Variants in LYPD1 observed in about 807,000 individuals in gnomAD.
LYPD1 encodes ly6/PLAUR domain-containing protein 1.
LYPD1 carries 14 observed loss-of-function variants against 14.2 expected under a neutral mutation model. That is an observed-to-expected ratio of 0.99 (90% CI 0.65 to 1.54). The LOEUF (loss-of-function observed/expected upper bound fraction) is 1.54. LYPD1 is among the 40% of genes most tolerant of loss of function. The pLI is 0.00. For synonymous variants in LYPD1, 85 were observed against 70.6 expected (o/e 1.20, Z -1.02); for missense variants, 165 against 175.7 (o/e 0.94, Z 0.34).
chr2:132,651,922 G>A (rs1682376191), intron 2 of LYPD1, among the ~76,000 whole-genome samples: 1 of 152,198 alleles, frequency 6.6e-6, no homozygotes, highest in Non-Finnish European at 1.5e-5. Context: ...AGGCATCTCT[G>A]AAACATGAGA....
intron 2 of LYPD1, among the ~76,000 whole-genome samples, chr2:132,647,868 AAACATTAAGG>A (rs1329476731): frequency 6.6e-6 from 1 of 152,214 alleles, no homozygotes; most frequent in Non-Finnish European, 1.5e-5. Flanking sequence ...GGTGCTATAG[AAACATTAAGG>A]AATGAAACTG....
rs1558871347 is a variant in LYPD1 at position 132,645,523 on chromosome 2, A to G, written c.*522T>C. ...GCCCCAGTCTAAGTCCCAGTCATTG[A>G]GTCTCGAGTCACTAGAGCCCAACTC... On this transcript the variant is annotated 3_prime_UTR_variant, in exon 3 of 3. Transcript: ENST00000397463. 2 of 1,614,174 alleles carry G rather than the reference A, an allele frequency of 1.2e-6. No individual in the cohort carries two copies. The highest frequency in any genetic ancestry group is 1.1e-5 in the South Asian group (1 of 91,086).
Position 132,646,128 on chromosome 2 carries a change from C to T in LYPD1, c.343G>A (p.Gly115Arg). 1 of 1,610,268 alleles carries T rather than the reference C, an allele frequency of 6.2e-7. No homozygotes were observed. Among genetic ancestry groups the T allele is most frequent in the Non-Finnish European group, 8.5e-7 (1 of 1,178,006 alleles). Residue 115 changes from glycine (G) to arginine (R), a missense_variant, in exon 3 of 3, where the codon GGA becomes AGA. Coordinates refer to ENST00000397463, the MANE Select transcript of LYPD1 (RefSeq NM_144586.7). ...GGCCTGAGGGCCGAGGCAGAACTTC[C>T]CCTTTTCTTGGGCCTTGGCCCGTTA... ...LCNGPRPKKR[G>R]SSASALRPGL...
At position 132,670,106 on chromosome 2, in the gene LYPD1, A is replaced by C. The variant is rs753713006; in HGVS notation, c.-174T>G. On this transcript the variant is annotated 5_prime_UTR_variant, in exon 1 of 3. It removes an upstream start codon present in the reference 5' UTR. Coordinates refer to ENST00000397463, the MANE Select transcript of LYPD1 (RefSeq NM_144586.7). The surrounding 1 kb of genome is among the most constrained non-coding windows in gnomAD (Gnocchi z 4.5). Reference sequence around the variant, plus strand: ...CGCAGGTGCCGCTCGCGGAGCCTGCATCGCCCGCGCTCGGGCTCCCGGCTG... The same window carrying C: ...CGCAGGTGCCGCTCGCGGAGCCTGCCTCGCCCGCGCTCGGGCTCCCGGCTG... 32 of 1,437,852 alleles carry C rather than the reference A, an allele frequency of 2.2e-5. No homozygotes were observed. Among genetic ancestry groups the C allele is most frequent in the Non-Finnish European group, 2.8e-5 (31 of 1,105,376 alleles). 89.1% of individuals were successfully genotyped at this position (1,437,852 alleles called of 1,614,324 possible).
rs779343595 is a variant in LYPD1 at position 132,668,384 on chromosome 2, G to A, written c.190+16C>T. On this transcript the variant is annotated intron_variant, in intron 2 of 2. Transcript: ENST00000397463. ...CCCAGGCTTAAGAGCGAGGGGGAGGGCTGCCAGGCTCTTACCGGCACTTTG... is the reference window on the plus strand; with the variant it reads ...CCCAGGCTTAAGAGCGAGGGGGAGGACTGCCAGGCTCTTACCGGCACTTTG... The A allele has an allele frequency of 1.9e-6, 3 of 1,596,766 alleles. No homozygotes were observed. Among genetic ancestry groups the A allele is most frequent in the Non-Finnish European group, 2.6e-6 (3 of 1,171,350 alleles).
At position 132,655,553 on chromosome 2, in the gene LYPD1, C is replaced by T. The variant is rs558680280; in HGVS notation, c.191-9273G>A. Among the ~76,000 whole-genome samples, 9 of 128,388 alleles carry T rather than the reference C, an allele frequency of 7.0e-5. No homozygotes were observed. In the South Asian group the frequency reaches 9.4e-4, roughly 13 times the overall value. 84.2% of individuals were successfully genotyped at this position (128,388 alleles called of 152,430 possible). A position where few individuals can be genotyped will look rare whatever the true frequency, so the allele number is the denominator to read the frequency against. ...TTTTTGAGATGGAGTCTCGCTCTGT[C>T]GCCCAGGCTGGAGTGCAGTGGCGCC... On this transcript the variant is annotated intron_variant, in intron 2 of 2. Transcript: ENST00000397463.
At position 132,645,863 on chromosome 2, in the gene LYPD1, T is replaced by C. The variant is rs1034374477; in HGVS notation, c.*182A>G. On this transcript the variant is annotated 3_prime_UTR_variant, in exon 3 of 3. Coordinates refer to ENST00000397463, the MANE Select transcript of LYPD1 (RefSeq NM_144586.7). ...GTACATACTGAAAATTCAGTCAGGC[T>C]GAATTTATTCAGAATGCTTTACCGA... 3 of 658,390 alleles carry C rather than the reference T, an allele frequency of 4.6e-6. No individual in the cohort carries two copies. Among genetic ancestry groups the C allele is most frequent in the Admixed American group, 3.3e-5 (1 of 30,342 alleles). 40.8% of individuals were successfully genotyped at this position (658,390 alleles called of 1,614,324 possible). A position where few individuals can be genotyped will look rare whatever the true frequency, so the allele number is the denominator to read the frequency against.
In LYPD1 at chr2:132,643,943, G is replaced by A. The variant is rs918385326; in HGVS notation, c.*2102C>T. On this transcript the variant is annotated 3_prime_UTR_variant, in exon 3 of 3. Coordinates refer to ENST00000397463, the MANE Select transcript of LYPD1 (RefSeq NM_144586.7). ...AATGTGAGTAAATGTTTCTTACTAC[G>A]ATTGAAATGTAGGAGAGGAAGGAAG... is the stretch of plus-strand genomic sequence containing the variant. 1.2e-4 allele frequency among the ~76,000 whole-genome samples: 18 copies of A among 152,190 alleles called. No homozygotes were observed. The highest frequency in any genetic ancestry group is 4.3e-4 in the African/African-American group (18 of 41,436).
chr2:132,649,103 A>G (rs1255381526), intron 2 of LYPD1, among the ~76,000 whole-genome samples: 2 of 152,216 alleles, frequency 1.3e-5, no homozygotes, highest in African/African-American at 2.4e-5. Flanking sequence ...GTGTCAGGGT[A>G]TGGAGGAGCT....
chr2:132,667,263 A>T (rs1234878226), intron 2 of LYPD1, among the ~76,000 whole-genome samples: 1 of 152,212 alleles, frequency 6.6e-6, no homozygotes, highest in Non-Finnish European at 1.5e-5. Context: ...TGGTGCAACA[A>T]ATAATGACCT....
chr2:132,650,403 A>G (rs1480226534), intron 2 of LYPD1, among the ~76,000 whole-genome samples: 2 of 152,226 alleles, frequency 1.3e-5, no homozygotes, highest in African/African-American at 4.8e-5. Context: ...CAACGTGGCA[A>G]TAGCTATCAA....
intron 2 of LYPD1, among the ~76,000 whole-genome samples, chr2:132,664,166 C>T (rs913047206): frequency 6.6e-6 from 1 of 152,056 alleles, no homozygotes; most frequent in South Asian, 2.1e-4. Context: ...CTATGATTAG[C>T]AGCACTGGGC....
rs2104888281 is a variant in LYPD1 at position 132,645,803 on chromosome 2, T to C, written c.*242A>G. The C allele has an allele frequency of 1.3e-6, 1 of 764,766 alleles. No individual in the cohort carries two copies. The highest frequency in any genetic ancestry group is 2.7e-5 in the East Asian group (1 of 36,648). The allele number at this position is 764,766 out of a possible 1,614,324, so 47.4% of individuals were successfully genotyped here. ...GGCCTTGACTCCGGTTACACAGACA[T>C]GGGGGTGAACTTTCACTCCACCTCC... is the stretch of plus-strand genomic sequence containing the variant. On this transcript the variant is annotated 3_prime_UTR_variant, in exon 3 of 3. Transcript: ENST00000397463.
intron 2 of LYPD1, among the ~76,000 whole-genome samples, chr2:132,663,727 AG>A (rs1392777298): frequency 3.9e-5 from 6 of 152,218 alleles, no homozygotes; most frequent in Non-Finnish European, 8.8e-5. Flanking sequence ...TAAGGACTGC[AG>A]ATGGGATGTC....
chr2:132,643,864 C>A lies in LYPD1; in HGVS notation c.*2181G>T, dbSNP rs542581233. ...TTTACCATGGGTCATAGGCAGGAAG[C>A]ATTCATTGCCAACTGTCACTTCCCT... On this transcript the variant is annotated 3_prime_UTR_variant, in exon 3 of 3. Transcript: ENST00000397463. 6.6e-6 allele frequency among the ~76,000 whole-genome samples: 1 copy of A among 152,320 alleles called. No individual in the cohort carries two copies. The highest frequency in any genetic ancestry group is 1.5e-5 in the Non-Finnish European group (1 of 68,022).
chr2:132,660,107 A>G (rs1177234021), intron 2 of LYPD1, among the ~76,000 whole-genome samples: 2 of 152,240 alleles, frequency 1.3e-5, no homozygotes, highest in African/African-American at 4.8e-5. Context: ...CAGTCATTCC[A>G]CTGTGCTCAC....
At chr2:132,659,228 G>A (rs1171961418) in intron 2 of LYPD1, among the ~76,000 whole-genome samples, 5 of 152,188 alleles carry the variant, frequency 3.3e-5, no homozygotes, top group Admixed American at 3.3e-4. Flanking sequence ...TTGAAATGGT[G>A]ATAAATCTGT....
At chr2:132,656,604 G>A (rs939548761) in intron 2 of LYPD1, among the ~76,000 whole-genome samples, 15 of 152,158 alleles carry the variant, frequency 9.9e-5, no homozygotes, top group Admixed American at 4.6e-4. Flanking sequence ...GGAAAGTAGA[G>A]GCTTCTCTAT....
At position 132,668,515 on chromosome 2, in the gene LYPD1, G is replaced by A; in HGVS notation, c.75C>T (p.Cys25=). 6.2e-7 allele frequency: 1 copy of A among 1,612,434 alleles called. No individual in the cohort carries two copies. The highest frequency in any genetic ancestry group is 8.5e-7 in the Non-Finnish European group (1 of 1,179,364). Residue 25 remains cysteine (C), a synonymous_variant, in exon 2 of 3, where the codon TGC becomes TGT. Transcript: ENST00000397463. ...LLPGFALQIQ[C]YQCEEFQLNN... is the part of the protein sequence containing the mutation. ...TCAGCTGGAATTCTTCACACTGGTA[G>A]CACTGGATTTGCAGCGCAAAGCCTG... is the stretch of plus-strand genomic sequence containing the variant.
Sources: gnomAD v4.1 joint callset for allele counts (sites outside exome capture counted in the v4.1 genomes callset) on GRCh38, gnomAD v4.1.1 for gene constraint, Gnocchi (gnomAD v3.1) non-coding constraint, MANE v1.5 for transcripts, NCBI Gene and HGNC (gene_info 2026-07-23, HGNC 2026-07-21) for gene names.